ALK: variants seen among roughly 807,000 people sequenced by gnomAD.
ALK encodes ALK tyrosine kinase receptor.
ALK carries 74 observed loss-of-function variants against 163.1 expected under a neutral mutation model. That is an observed-to-expected ratio of 0.45 (90% CI 0.38 to 0.55). The LOEUF (loss-of-function observed/expected upper bound fraction) is 0.55. Ranked by LOEUF, ALK falls within the 20% of genes least tolerant of loss-of-function variation. The pLI, the probability that ALK is intolerant of heterozygous loss-of-function variation, is 0.00. For missense variants in ALK, 2,063 were observed against 2,105.3 expected, an observed-to-expected ratio of 0.98 and a Z score of 0.39; for synonymous variants, 960 against 843.2, an observed-to-expected ratio of 1.14 and a Z score of -2.40.
chr2:29,628,978 GA>G (rs1487929849), intron 3 of ALK, among the ~76,000 whole-genome samples: 1 of 152,176 alleles, frequency 6.6e-6, no homozygotes, highest in Non-Finnish European at 1.5e-5. Context: ...AAGATGCAGG[GA>G]ACCAAATTAA....
At chr2:29,508,693 T>C (rs933762309) in intron 4 of ALK, among the ~76,000 whole-genome samples, 26 of 14,432 alleles carry the variant, frequency 1.8e-3, no homozygotes, top group African/African-American at 4.2e-3. Context: ...ACTTAGAGTA[T>C]AATAAAAAAA....
intron 1 of ALK, 106 bp from the exon 2 acceptor site, chr2:29,717,803 A>G (rs1679307007): frequency 1.3e-6 from 2 of 1,485,436 alleles, no homozygotes; most frequent in Non-Finnish European, 1.9e-6. Flanking sequence ...CTTTCATGAC[A>G]TCCATCGGGA....
chr2:29,305,069 G>T (rs546711750), intron 8 of ALK, among the ~76,000 whole-genome samples: 8 of 152,308 alleles, frequency 5.3e-5, no homozygotes, highest in Admixed American at 5.2e-4. Flanking sequence ...AGACCTCTGG[G>T]GAGCTGGGTT....
At chr2:29,483,532 A>C (rs1671714403) in intron 4 of ALK, among the ~76,000 whole-genome samples, 1 of 152,240 alleles carries the variant, frequency 6.6e-6, no homozygotes. Context: ...ATTCATGTGC[A>C]CATCCAAGTT....
At chr2:29,452,672 T>C (rs1670852157) in intron 4 of ALK, among the ~76,000 whole-genome samples, 1 of 152,172 alleles carries the variant, frequency 6.6e-6, no homozygotes, top group African/African-American at 2.4e-5. Context: ...ACAGAAACTT[T>C]AGTACAGAAG....
In ALK at chr2:29,193,047, C is replaced by T. The variant is rs1668910550; in HGVS notation, c.*177G>A. 1 of 687,546 alleles carries T rather than the reference C, an allele frequency of 1.5e-6. No individual in the cohort carries two copies. Among genetic ancestry groups the T allele is most frequent in the Non-Finnish European group, 2.6e-6 (1 of 391,390 alleles). 42.6% of individuals were successfully genotyped at this position (687,546 alleles called of 1,614,324 possible). On this transcript the variant is annotated 3_prime_UTR_variant, in exon 29 of 29. Transcript: ENST00000389048. Reference sequence around the variant, plus strand: ...TTCTTTCGAAAGAATAGGATGAACCCATGCTCAAAACCTTTCTAAAGCATT... The same window carrying T: ...TTCTTTCGAAAGAATAGGATGAACCTATGCTCAAAACCTTTCTAAAGCATT...
intron 3 of ALK, among the ~76,000 whole-genome samples, chr2:29,602,327 C>G (rs1675402073): frequency 6.6e-6 from 1 of 152,086 alleles, no homozygotes. Flanking sequence ...AGAATCCCAG[C>G]AGGGTCAGGC....
At chr2:29,810,996 CCTTGATCTTGG>C (rs1462646874) in intron 1 of ALK, among the ~76,000 whole-genome samples, 1 of 152,022 alleles carries the variant, frequency 6.6e-6, no homozygotes, top group East Asian at 1.9e-4. Context: ...TCTGACAGCA[CCTTGATCTTGG>C]ACTTCTAGTT....
intron 3 of ALK, among the ~76,000 whole-genome samples, chr2:29,573,646 A>G (rs1053816567): frequency 6.6e-6 from 1 of 152,162 alleles, no homozygotes; most frequent in Admixed American, 6.5e-5. Context: ...TCGTACTACT[A>G]TGGCAGAGTT....
chr2:29,347,912 T>C (rs921796479), intron 5 of ALK, among the ~76,000 whole-genome samples: 1 of 152,210 alleles, frequency 6.6e-6, no homozygotes, highest in Non-Finnish European at 1.5e-5. Flanking sequence ...AGATCTAGGA[T>C]AGAGCTTGAT....
chr2:29,691,238 G>A (rs913192776), intron 3 of ALK, among the ~76,000 whole-genome samples: 3 of 152,208 alleles, frequency 2.0e-5, no homozygotes, highest in Non-Finnish European at 2.9e-5. Flanking sequence ...TTTTCTGGGA[G>A]GGCTGGGAGG....
intron 1 of ALK, among the ~76,000 whole-genome samples, chr2:29,827,476 A>G (rs552897509): frequency 6.6e-6 from 1 of 152,286 alleles, no homozygotes; most frequent in South Asian, 2.1e-4. Context: ...TGCAGATTTT[A>G]CATATTAGAG....
At position 29,285,601 on chromosome 2, in the gene ALK, C is replaced by T. The variant is rs140105880; in HGVS notation, c.1818-10105G>A. Reference sequence around the variant, plus strand: ...TTTTTGGAATGGAGTCTCTTTCTGTCGCCCAGGCTGGAATGCAGTGGTGCG... The same window carrying T: ...TTTTTGGAATGGAGTCTCTTTCTGTTGCCCAGGCTGGAATGCAGTGGTGCG... On this transcript the variant is annotated intron_variant, in intron 9 of 28. Coordinates refer to ENST00000389048, the MANE Select transcript of ALK (RefSeq NM_004304.5). 5.4e-5 allele frequency among the ~76,000 whole-genome samples: 8 copies of T among 146,790 alleles called. No homozygotes were observed. In the East Asian group the frequency reaches 8.3e-4, roughly 15 times the overall value.
chr2:29,281,324 G>A (rs1283457633), intron 9 of ALK, among the ~76,000 whole-genome samples: 2 of 152,154 alleles, frequency 1.3e-5, no homozygotes, highest in Non-Finnish European at 1.5e-5. Flanking sequence ...CAGGATAGAA[G>A]AGGCTTCCCC....
intron 4 of ALK, among the ~76,000 whole-genome samples, chr2:29,448,354 C>T (rs1183504603): frequency 2.0e-5 from 3 of 152,174 alleles, no homozygotes; most frequent in South Asian, 2.1e-4. Flanking sequence ...AGTTCATTTG[C>T]AATTCTCTTC....
At chr2:29,643,251 G>A (rs562067689) in intron 3 of ALK, among the ~76,000 whole-genome samples, 10 of 152,270 alleles carry the variant, frequency 6.6e-5, no homozygotes, top group Admixed American at 1.3e-4. Flanking sequence ...CTGGTACTGG[G>A]AAGCAAGATA....
chr2:29,484,930 C>T (rs1671744857), intron 4 of ALK, among the ~76,000 whole-genome samples: 1 of 152,062 alleles, frequency 6.6e-6, no homozygotes, highest in Non-Finnish European at 1.5e-5. Flanking sequence ...TAGGTAATCC[C>T]TTTAAAAAAT....
intron 4 of ALK, among the ~76,000 whole-genome samples, chr2:29,477,115 G>A (rs545662961): frequency 2.0e-5 from 3 of 152,274 alleles, no homozygotes; most frequent in South Asian, 4.1e-4. Context: ...GGAGAGTTGA[G>A]CTGAGCAGTG....
rs769322016 is a variant in ALK, at chr2:29,223,522, C to T, written c.3179G>A (p.Arg1060His). The change falls in exon 20 of 29, where the codon CGC (arginine) becomes CAC (histidine). Residue 1060 changes from arginine (R) to histidine (H), a missense_variant. Transcript: ENST00000389048. ...LAFSGIMIVY[R>H]RKHQELQAMQ... ...GGCTTGCAGCTCCTGGTGCTTCCGG[C>T]GGTACACTGCAGGTGGGTGGTCAGC... 46 of 1,613,388 alleles carry T rather than the reference C, an allele frequency of 2.9e-5. No individual in the cohort carries two copies. The highest frequency in any genetic ancestry group is 1.9e-4 in the South Asian group (17 of 91,058).
Sources: allele counts gnomAD v4.1 joint callset (sites outside exome capture counted in the v4.1 genomes callset), GRCh38; gene constraint gnomAD v4.1.1; transcripts MANE v1.5; gene names NCBI Gene and HGNC (gene_info 2026-07-23, HGNC 2026-07-21).